LDB3: variants seen among roughly 807,000 people sequenced by gnomAD.
LDB3 encodes the protein LIM domain binding 3.
Under a neutral mutation model 69.0 loss-of-function variants are expected in LDB3, and 49 were observed. The ratio of observed to expected loss-of-function variants is 0.71; its 90% CI spans 0.56 to 0.90. The LOEUF is 0.90. LDB3 is among the 40% of genes least tolerant of loss of function. LDB3 has a pLI of 0.00. For synonymous variants in LDB3, 387 were observed against 396.2 expected, an observed-to-expected ratio of 0.98 and a Z score of 0.28; for missense variants, 928 against 974.1, an observed-to-expected ratio of 0.95 and a Z score of 0.63.
chr10:86,701,216 C>T (rs995265995), intron 7 of LDB3, among the ~76,000 whole-genome samples: 1 of 152,312 alleles, frequency 6.6e-6, no homozygotes, highest in African/African-American at 2.4e-5. Flanking sequence ...TCATATTTGG[C>T]TGATGTTTTA....
At chr10:86,694,005 C>A (rs922440239) in intron 7 of LDB3, among the ~76,000 whole-genome samples, 20 of 152,248 alleles carry the variant, frequency 1.3e-4, no homozygotes, top group Non-Finnish European at 2.9e-5. Context: ...CAGAGTCCTG[C>A]CTTCCTGGCT....
intron 4 of LDB3, among the ~76,000 whole-genome samples, chr10:86,680,751 G>A (rs1180043086): frequency 2.0e-5 from 3 of 152,188 alleles, no homozygotes; most frequent in Non-Finnish European, 4.4e-5. Flanking sequence ...CCTTCCCAAG[G>A]CCCCGCCAAG....
chr10:86,673,395 T>C (rs1334292012), intron 2 of LDB3, among the ~76,000 whole-genome samples: 1 of 151,860 alleles, frequency 6.6e-6, no homozygotes, highest in Admixed American at 6.6e-5. Flanking sequence ...GCAGCGGCAG[T>C]GGGGGCAGGA....
chr10:86,706,638 C>T lies in LDB3; in HGVS notation c.1004C>T (p.Pro335Leu), dbSNP rs1326596860. The change falls in exon 8 of 14, where the codon CCC becomes CTC. Residue 335 changes from proline (P) to leucine (L), a missense_variant. Physicochemically the swap from Pro to Leu is moderately conservative, Grantham distance 98. Coordinates refer to ENST00000361373, the MANE Select transcript of LDB3 (RefSeq NM_007078.3). The stretch of plus-strand genomic sequence containing the variant: ...GCCTCTCCCAGTGCGGCTTCGCCAC[C>T]CCTGGCCACAGCTGCTGCCCACACT... Reference protein sequence around the residue: ...AAASPSAASPPLATAAAHTAI... With the variant: ...AAASPSAASPLLATAAAHTAI... 3 of 1,613,184 alleles carry T rather than the reference C, an allele frequency of 1.9e-6. No individual in the cohort carries two copies. The highest frequency in any genetic ancestry group is 2.5e-6 in the Non-Finnish European group (3 of 1,179,952).
chr10:86,696,268 G>A (rs1430165455), intron 7 of LDB3, among the ~76,000 whole-genome samples: 1 of 152,172 alleles, frequency 6.6e-6, no homozygotes, highest in East Asian at 1.9e-4. Context: ...TCCTGCCAAT[G>A]GGTGCCCCCG....
chr10:86,702,923 C>A (rs561310442), intron 7 of LDB3, among the ~76,000 whole-genome samples: 19 of 152,262 alleles, frequency 1.2e-4, no homozygotes, highest in African/African-American at 4.3e-4. Flanking sequence ...ACGTGCATAC[C>A]CAGGTATACC....
Position 86,706,711 on chromosome 10 carries a change from C to G in LDB3, c.1077C>G (p.Asp359Glu). ...STTAPASSPADSPRPQASSYS... is the reference protein window; with the variant it reads ...STTAPASSPAESPRPQASSYS... ...CAGCCCCTGCTTCAAGTCCTGCCGA[C>G]AGCCCAAGGTAACTGGGCCACAGGT... is the stretch of plus-strand genomic sequence containing the variant. The change falls in exon 8 of 14, where the codon GAC (aspartate) becomes GAG (glutamate). Residue 359 changes from aspartate (D) to glutamate (E), a missense_variant. Asp to Glu is a conservative substitution (Grantham distance 45, BLOSUM62 2). Transcript: ENST00000361373. The G allele has an allele frequency of 6.2e-7, 1 of 1,611,820 alleles. No homozygotes were observed. Among genetic ancestry groups the G allele is most frequent in the Non-Finnish European group, 8.5e-7 (1 of 1,179,320 alleles).
chr10:86,681,738 G>A lies in LDB3; in HGVS notation c.624G>A (p.Arg208=), dbSNP rs940818176. The A allele has an allele frequency of 2.5e-6, 4 of 1,608,750 alleles. No individual in the cohort carries two copies. The highest frequency in any genetic ancestry group is 2.5e-6 in the Non-Finnish European group (3 of 1,177,158). The change falls in exon 5 of 14, where the codon AGG becomes AGA. Residue 208 remains arginine, a synonymous_variant. Transcript: ENST00000361373. ...PIGLYSAETL[R]EMAQMYQMSL... is the part of the protein sequence containing the mutation. ...GCCTGTACTCGGCAGAGACCCTGAGGGAGATGGCTCAGATGTACCAGATGA... is the reference window on the plus strand; with the variant it reads ...GCCTGTACTCGGCAGAGACCCTGAGAGAGATGGCTCAGATGTACCAGATGA...
intron 5 of LDB3, among the ~76,000 whole-genome samples, chr10:86,691,498 C>T (rs1021093617): frequency 6.6e-6 from 1 of 152,220 alleles, no homozygotes; most frequent in African/African-American, 2.4e-5. Flanking sequence ...CTGAGGAATC[C>T]TCTGTGTCCC....
intron 2 of LDB3, among the ~76,000 whole-genome samples, chr10:86,676,517 A>G (rs1844797320): frequency 6.7e-6 from 1 of 149,250 alleles, no homozygotes; most frequent in Non-Finnish European, 1.5e-5. Context: ...GTGAGCCGAG[A>G]TGATGCCATT....
At chr10:86,713,860 C>T in intron 9 of LDB3, among the ~76,000 whole-genome samples, 1 of 152,202 alleles carries the variant, frequency 6.6e-6, no homozygotes, top group East Asian at 1.9e-4. Context: ...AGGCATTCCA[C>T]CACCACTGAA....
In LDB3 at chr10:86,733,071, G is replaced by A; in HGVS notation, c.*95G>A. ...GCTGATGTTTCTTCTGAGGGGAATG[G>A]GGAGAGAGAGGAAGCGACTGAGCCC... is the stretch of plus-strand genomic sequence containing the variant. On this transcript the variant is annotated 3_prime_UTR_variant, in exon 14 of 14. Coordinates refer to ENST00000361373, the MANE Select transcript of LDB3 (RefSeq NM_007078.3). The A allele has an allele frequency of 2.3e-6, 2 of 857,664 alleles. No homozygotes were observed. The highest frequency in any genetic ancestry group is 3.9e-6 in the Non-Finnish European group (2 of 513,924). The allele number at this position is 857,664 out of a possible 1,614,324, so 53.1% of individuals were successfully genotyped here.
intron 10 of LDB3, among the ~76,000 whole-genome samples, chr10:86,717,403 A>C (rs79671062): frequency 0.015 from 2,262 of 152,328 alleles, 47 homozygotes; most frequent in African/African-American, 0.052. Flanking sequence ...ATATAAAAAA[A>C]TGTCTTCATA....
At chr10:86,675,562 G>T (rs979296110) in intron 2 of LDB3, among the ~76,000 whole-genome samples, 1 of 152,254 alleles carries the variant, frequency 6.6e-6, no homozygotes, top group Non-Finnish European at 1.5e-5. Context: ...GTGCCCTGCC[G>T]TGAGAGAGCC....
chr10:86,730,997 C>CA (rs1847434798), intron 13 of LDB3, among the ~76,000 whole-genome samples: 1 of 150,854 alleles, frequency 6.6e-6, no homozygotes, highest in Non-Finnish European at 1.5e-5. Flanking sequence ...TACTAAACTA[C>CA]AAAAAAAATT....
At chr10:86,668,471 C>T (rs1163318671), upstream of LDB3, 21 of 633,178 alleles carry the variant, frequency 3.3e-5, no homozygotes, top group Non-Finnish European at 5.2e-5. Context: ...TGGGCGCAGC[C>T]GAAGGCAGAT....
chr10:86,679,644 G>A, intron 3 of LDB3, 126 bp downstream of exon 3: 2 of 1,094,808 alleles, frequency 1.8e-6, no homozygotes. Flanking sequence ...TGTGCAGGAA[G>A]ATAAGGACAG....
At chr10:86,683,526 C>T (rs1417557085) in intron 5 of LDB3, among the ~76,000 whole-genome samples, 2 of 152,206 alleles carry the variant, frequency 1.3e-5, no homozygotes, top group Non-Finnish European at 2.9e-5. Context: ...TCCCATAGTG[C>T]CTAAGGTACT....
chr10:86,718,195 T>TC (rs752200367), intron 11 of LDB3, 51 bp downstream of exon 11: 7 of 1,564,256 alleles, frequency 4.5e-6, no homozygotes, highest in African/African-American at 1.4e-5. Flanking sequence ...CCCCAGCCCT[T>TC]CCCCAAGATC....
Sources: gnomAD v4.1 joint callset for allele counts (sites outside exome capture counted in the v4.1 genomes callset) on GRCh38, gnomAD v4.1.1 for gene constraint, MANE v1.5 for transcripts, NCBI Gene and HGNC (gene_info 2026-07-23, HGNC 2026-07-21) for gene names.